The following ABCA13 variants were observed in gnomAD, a reference collection of about 807,000 sequenced individuals.
ABCA13 encodes ATP binding cassette subfamily A member 13.
In ABCA13, 476 loss-of-function variants were observed where a neutral mutation model predicts 478.7. The ratio of observed to expected loss-of-function variants is 0.99; its 90% CI spans 0.92 to 1.07. The LOEUF (loss-of-function observed/expected upper bound fraction) is 1.07. Among genes scored for constraint, ABCA13 ranks in the 50% least tolerant of loss-of-function variants. The pLI is 0.00. For synonymous variants in ABCA13, 2,252 were observed against 2,158.9 expected, an observed-to-expected ratio of 1.04 and a Z score of -1.20; for missense variants, 6,060 against 5,910.6, an observed-to-expected ratio of 1.03 and a Z score of -0.83.
At chr7:48,446,541 C>A (rs1293974647) in intron 42 of ABCA13, among the ~76,000 whole-genome samples, 1 of 152,140 alleles carries the variant, frequency 6.6e-6, no homozygotes, top group African/African-American at 2.4e-5. Flanking sequence ...TTTCTAATTA[C>A]TGCTTCTTCT....
At chr7:48,351,041 G>A (rs965952505) in intron 30 of ABCA13, among the ~76,000 whole-genome samples, 2 of 152,196 alleles carry the variant, frequency 1.3e-5, no homozygotes, top group African/African-American at 4.8e-5. Context: ...ATGCCATAGT[G>A]ACTAATAACG....
At chr7:48,466,835 G>T in intron 43 of ABCA13, 121 bp from the exon 44 acceptor site, 1 of 885,766 alleles carries the variant, frequency 1.1e-6, no homozygotes, top group South Asian at 1.4e-5. Context: ...CACTTACTAG[G>T]AATCATTAGA....
At chr7:48,204,023 C>T (rs1274044150) in intron 3 of ABCA13, among the ~76,000 whole-genome samples, 4 of 152,074 alleles carry the variant, frequency 2.6e-5, no homozygotes, top group Non-Finnish European at 5.9e-5. Flanking sequence ...TTCCAACCAC[C>T]ATACTGCCTG....
At chr7:48,551,147 T>C (rs1785289637) in intron 55 of ABCA13, among the ~76,000 whole-genome samples, 1 of 150,384 alleles carries the variant, frequency 6.6e-6, no homozygotes, top group African/African-American at 2.5e-5. Context: ...TGTTTTTGTA[T>C]TGTTCATGTC....
rs1809765157 is a variant in ABCA13 at position 48,355,555 on chromosome 7, A to G, written c.10688+3068A>G. Among the ~76,000 whole-genome samples, 2 of 151,994 alleles carry G rather than the reference A, an allele frequency of 1.3e-5. 1 individual carries two copies. Among genetic ancestry groups the G allele is most frequent in the African/African-American group, 4.8e-5 (2 of 41,256 alleles). On this transcript the variant is annotated intron_variant, in intron 31 of 61. Coordinates refer to ENST00000435803, the MANE Select transcript of ABCA13 (RefSeq NM_152701.5). ...AAGTCTTGCTCACGCTGTTGGGTGG[A>G]AAAGAGCTTGTAGGGGTATGTGTGG... is the stretch of plus-strand genomic sequence containing the variant.
At chr7:48,244,757 T>C in intron 11 of ABCA13, 54 bp downstream of exon 11, 2 of 1,526,090 alleles carry the variant, frequency 1.3e-6, no homozygotes, top group East Asian at 2.3e-5. Flanking sequence ...AAATGTGAAA[T>C]TTATTGGAAA....
Position 48,298,442 on chromosome 7 carries a change from T to C in ABCA13, c.9276T>C (p.Asn3092=). The C allele has an allele frequency of 4.3e-6, 7 of 1,613,736 alleles. No homozygotes were observed. Among genetic ancestry groups the C allele is most frequent in the Non-Finnish European group, 5.9e-6 (7 of 1,179,736 alleles). Residue 3092 remains asparagine, a synonymous_variant, in exon 23 of 62, where the codon AAT becomes AAC. Transcript: ENST00000435803. ...TTCGCTCTTCCATCCAAATCTCGAATGAGACTATCCATAGCATTCTAGAAG... is the reference window on the plus strand; with the variant it reads ...TTCGCTCTTCCATCCAAATCTCGAACGAGACTATCCATAGCATTCTAGAAG... ...EELRSSIQIS[N]ETIHSILEAN... is the part of the protein sequence containing the mutation.
intron 3 of ABCA13, among the ~76,000 whole-genome samples, chr7:48,212,703 T>C (rs534326164): frequency 1.3e-5 from 2 of 152,318 alleles, no homozygotes; most frequent in African/African-American, 4.8e-5. Flanking sequence ...TAAGCATCTT[T>C]TTATGTGTTT....
chr7:48,598,330 C>T (rs142472042), intron 58 of ABCA13, among the ~76,000 whole-genome samples: 287 of 152,244 alleles, frequency 1.9e-3, no homozygotes, highest in African/African-American at 6.3e-3. Context: ...TCCACTCATC[C>T]GCTGAACCAC....
rs531930065 is a variant in ABCA13, at chr7:48,338,936, C to T, written c.10204+481C>T. ...CATTTGCTGGACACACGAGGAGAGC[C>T]AGTTCCATGAAATAATCCATAGAGG... On this transcript the variant is annotated intron_variant, in intron 29 of 61. Transcript: ENST00000435803. Among the ~76,000 whole-genome samples, 4 of 152,262 alleles carry T rather than the reference C, an allele frequency of 2.6e-5. No individual in the cohort carries two copies. The East Asian group carries it at 5.8e-4, about 22-fold the overall frequency.
At chr7:48,221,357 G>A in intron 5 of ABCA13, 48 bp downstream of exon 5, 1 of 930,738 alleles carries the variant, frequency 1.1e-6, no homozygotes, top group Admixed American at 3.1e-5. Context: ...GAGACAGAAT[G>A]GTTAAGTTTA....
chr7:48,527,220 A>G (rs1437563470), intron 54 of ABCA13, among the ~76,000 whole-genome samples: 1 of 152,006 alleles, frequency 6.6e-6, no homozygotes, highest in Non-Finnish European at 1.5e-5. Flanking sequence ...CCTGGGGGAG[A>G]CGGACTCATA....
intron 59 of ABCA13, among the ~76,000 whole-genome samples, chr7:48,630,010 T>C (rs899207992): frequency 1.3e-5 from 2 of 152,192 alleles, no homozygotes; most frequent in Admixed American, 6.5e-5. Flanking sequence ...ATCTATTTCT[T>C]GGTCTATTTT....
At position 48,412,369 on chromosome 7, in the gene ABCA13, C is replaced by T. The variant is rs377127907; in HGVS notation, c.12245C>T (p.Ala4082Val). The change falls in exon 41 of 62, where the codon GCC (alanine) becomes GTC (valine). Residue 4082 changes from alanine to valine, a missense_variant. Ala to Val is a moderately conservative substitution (Grantham distance 64). Transcript: ENST00000435803. Reference sequence around the variant, plus strand: ...TATGGATAGCCTTCTGTTCTGGAGGCCCATGATCTGAAAGACATGGCTTGT... The same window carrying T: ...TATGGATAGCCTTCTGTTCTGGAGGTCCATGATCTGAAAGACATGGCTTGT... ...TLTRQPSVLE[A>V]HDLKDMACVT... The T allele has an allele frequency of 7.6e-5, 123 of 1,612,458 alleles. No homozygotes were observed. The African/African-American group carries it at 8.9e-4, about 12-fold the overall frequency.
At chr7:48,601,190 A>G (rs930283796) in intron 58 of ABCA13, among the ~76,000 whole-genome samples, 2 of 151,164 alleles carry the variant, frequency 1.3e-5, no homozygotes, top group African/African-American at 4.9e-5. Flanking sequence ...CAGAATCCCC[A>G]CTTACTAATG....
intron 23 of ABCA13, among the ~76,000 whole-genome samples, chr7:48,302,029 A>G (rs114898704): frequency 1.6e-3 from 238 of 152,190 alleles, no homozygotes; most frequent in African/African-American, 5.5e-3. Flanking sequence ...GTCTCATTTA[A>G]CTCCCTCTGA....
intron 1 of ABCA13, among the ~76,000 whole-genome samples, chr7:48,174,302 CT>C (rs547291135): frequency 3.3e-5 from 5 of 150,742 alleles, no homozygotes; most frequent in Non-Finnish European, 4.4e-5. Context: ...TTTTTTTTAG[CT>C]TTTTTTTTAA....
chr7:48,384,070 A>T (rs899461796), intron 35 of ABCA13, among the ~76,000 whole-genome samples: 14 of 152,198 alleles, frequency 9.2e-5, no homozygotes, highest in African/African-American at 3.4e-4. Context: ...CTAGAATTTT[A>T]ATTGCTAATT....
At chr7:48,421,158 C>T (rs1820689156) in intron 41 of ABCA13, among the ~76,000 whole-genome samples, 1 of 151,922 alleles carries the variant, frequency 6.6e-6, no homozygotes, top group Non-Finnish European at 1.5e-5. Flanking sequence ...AAAGTGGTGT[C>T]TGCCAGGCTT....
Sources: allele counts gnomAD v4.1 joint callset (sites outside exome capture counted in the v4.1 genomes callset), GRCh38; gene constraint gnomAD v4.1.1; transcripts MANE v1.5; gene names NCBI Gene and HGNC (gene_info 2026-07-23, HGNC 2026-07-21).